The following DMD variants were observed in gnomAD, a reference collection of about 807,000 sequenced individuals.
DMD encodes the protein mutant dystrophin.
Under a neutral mutation model 330.1 loss-of-function variants are expected in DMD, and 63 were observed. The ratio of observed to expected loss-of-function variants is 0.19; its 90% confidence interval spans 0.16 to 0.24. The LOEUF is 0.24. DMD is among the 10% of genes least tolerant of loss of function. The pLI is 1.00. For synonymous variants in DMD, 1,223 were observed against 959.8 expected, an observed-to-expected ratio of 1.27 and a Z score of -5.07; for missense variants, 3,344 against 2,684.1, an observed-to-expected ratio of 1.25 and a Z score of -5.43.
chrX:32,342,021 C>CTT, intron 41 of DMD, 79 bp downstream of exon 41: 2 of 989,012 alleles, frequency 2.0e-6, no homozygotes, highest in African/African-American at 2.0e-5. Context: ...TTTTTTGTCT[C>CTT]TTTTTTTTTT....
chrX:31,957,455 G>C (rs1324809885), intron 45 of DMD, among the ~76,000 whole-genome samples: 1 of 111,709 alleles, frequency 9.0e-6, no homozygotes, highest in African/African-American at 3.3e-5. Flanking sequence ...TTGTGTTTGT[G>C]TGCATTCAAG....
At chrX:32,463,692 T>A in intron 24 of DMD, 98 bp from the exon 25 acceptor site, 2 of 773,192 alleles carry the variant, frequency 2.6e-6, no homozygotes, top group Non-Finnish European at 3.5e-6. Context: ...ACTGATGGCA[T>A]TGCATATGGA....
intron 74 of DMD, among the ~76,000 whole-genome samples, chrX:31,149,794 G>C (rs1325817794): frequency 9.0e-6 from 1 of 111,731 alleles, no homozygotes; most frequent in Non-Finnish European, 1.9e-5. Context: ...AGTGCCTTAT[G>C]TTTTGTAATT....
At chrX:32,489,375 G>T (rs1387415741) in intron 20 of DMD, among the ~76,000 whole-genome samples, 3 of 110,406 alleles carry the variant, frequency 2.7e-5, no homozygotes, top group East Asian at 5.8e-4. Context: ...CTTAGGGATT[G>T]GTGGCTTTAT....
chrX:33,327,596 C>T (rs2054106679), intron 1 of DMD, among the ~76,000 whole-genome samples: 1 of 110,571 alleles, frequency 9.0e-6, no homozygotes, highest in African/African-American at 3.3e-5. Flanking sequence ...CTCTAATTAC[C>T]GTTTTGGAAA....
At chrX:32,849,945 G>A (rs762806679) in intron 2 of DMD, 125 bp from the exon 3 acceptor site, 69 of 548,973 alleles carry the variant, frequency 1.3e-4, no homozygotes, top group Admixed American at 7.9e-4. Context: ...TTAATCTGCC[G>A]AAGATGACGG....
intron 71 of DMD, among the ~76,000 whole-genome samples, chrX:31,177,371 C>G (rs2040621895): frequency 1.8e-5 from 2 of 111,159 alleles, no homozygotes; most frequent in East Asian, 2.8e-4. Context: ...TTTAGAAACC[C>G]TTGTATATAA....
At chrX:32,162,296 A>G (rs980792312) in intron 44 of DMD, among the ~76,000 whole-genome samples, 1 of 111,441 alleles carries the variant, frequency 9.0e-6, no homozygotes, top group Non-Finnish European at 1.9e-5. Context: ...CCTTAGTAGT[A>G]AATATTTCTC....
intron 30 of DMD, among the ~76,000 whole-genome samples, chrX:32,410,908 A>G (rs2098139096): frequency 8.9e-6 from 1 of 112,024 alleles, no homozygotes; most frequent in Non-Finnish European, 1.9e-5. Flanking sequence ...AAAAACAGGT[A>G]AACACGTTTT....
chrX:31,301,573 A>C (rs971025874), intron 62 of DMD, among the ~76,000 whole-genome samples: 1 of 111,624 alleles, frequency 9.0e-6, no homozygotes, highest in Non-Finnish European at 1.9e-5. Flanking sequence ...ATCTGCCCCC[A>C]TGATTCATTC....
At chrX:31,329,969 C>CAAAAAA (rs142353794) in intron 61 of DMD, among the ~76,000 whole-genome samples, 2 of 12,878 alleles carry the variant, frequency 1.6e-4, no homozygotes, top group African/African-American at 3.1e-4. Flanking sequence ...GATTCCATCT[C>CAAAAAA]AAAAAAAAAA....
chrX:32,998,034 A>AT (rs1156549148), intron 2 of DMD, among the ~76,000 whole-genome samples: 1 of 110,192 alleles, frequency 9.1e-6, no homozygotes, highest in East Asian at 2.8e-4. Flanking sequence ...TTTCTTGTTG[A>AT]TATCTCTTTT....
At chrX:32,067,890 T>C (rs770058624) in intron 44 of DMD, among the ~76,000 whole-genome samples, 1 of 111,897 alleles carries the variant, frequency 8.9e-6, no homozygotes, top group Non-Finnish European at 1.9e-5. Context: ...GATTGATGGG[T>C]CAAATGATAG....
At chrX:32,204,075 G>A (rs2097053302) in intron 44 of DMD, among the ~76,000 whole-genome samples, 1 of 111,591 alleles carries the variant, frequency 9.0e-6, no homozygotes, top group Non-Finnish European at 1.9e-5. Flanking sequence ...CTCTTAGGAA[G>A]ACCTTGTCCT....
At chrX:32,317,684 G>T (rs2097587780) in intron 41 of DMD, among the ~76,000 whole-genome samples, 1 of 110,837 alleles carries the variant, frequency 9.0e-6, no homozygotes, top group African/African-American at 3.3e-5. Flanking sequence ...AACTCAAGAA[G>T]AAAAATGTGC....
At chrX:32,503,247 C>T (rs1157025231) in intron 18 of DMD, among the ~76,000 whole-genome samples, 2 of 111,136 alleles carry the variant, frequency 1.8e-5, no homozygotes, top group African/African-American at 3.3e-5. Flanking sequence ...ATTAGTCAGG[C>T]GTGGTGACAG....
intron 44 of DMD, among the ~76,000 whole-genome samples, chrX:32,182,264 C>G (rs2096929701): frequency 8.9e-6 from 1 of 112,289 alleles, no homozygotes; most frequent in Non-Finnish European, 1.9e-5. Context: ...AGCCTTTAGA[C>G]TATATTATCA....
intron 1 of DMD, among the ~76,000 whole-genome samples, chrX:33,303,874 A>T (rs2053709673): frequency 9.0e-6 from 1 of 111,612 alleles, no homozygotes; most frequent in Non-Finnish European, 1.9e-5. Context: ...TAGCAGTGTG[A>T]GAATGAACTA....
intron 66 of DMD, among the ~76,000 whole-genome samples, chrX:31,204,686 G>A (rs772324236): frequency 1.8e-5 from 2 of 111,870 alleles, no homozygotes; most frequent in Non-Finnish European, 1.9e-5. Context: ...GCAGTGGTGC[G>A]ATCTCTGCTC....
Sources: allele counts gnomAD v4.1 joint callset (sites outside exome capture counted in the v4.1 genomes callset), GRCh38; gene constraint gnomAD v4.1.1; transcripts MANE v1.5; gene names NCBI Gene and HGNC (gene_info 2026-07-23, HGNC 2026-07-21).